ATP11B: variants seen among roughly 807,000 people sequenced by gnomAD.
The protein encoded by ATP11B is ATPase phospholipid transporting 11B (putative), also known as phospholipid-transporting ATPase IF.
ATP11B carries 81 observed loss-of-function variants against 157.8 expected under a neutral mutation model. That is an observed-to-expected ratio of 0.51 (90% confidence interval 0.43 to 0.62). The LOEUF (loss-of-function observed/expected upper bound fraction) is 0.62, where lower values mean the gene tolerates loss of function less well. Ranked by LOEUF, ATP11B falls within the 20% of genes least tolerant of loss-of-function variation. The pLI, the probability that ATP11B is intolerant of heterozygous loss-of-function variation, is 0.00. For missense variants in ATP11B, 1,165 were observed against 1,402.2 expected, an observed-to-expected ratio of 0.83 and a Z score of 2.70; for synonymous variants, 451 against 469.4, an observed-to-expected ratio of 0.96 and a Z score of 0.51.
chr3:182,857,858 TTC>T lies in ATP11B; in HGVS notation c.852-16_852-15del, dbSNP rs1560091504. 1.4e-6 allele frequency: 2 copies of T among 1,416,660 alleles called. No individual in the cohort carries two copies. The highest frequency in any genetic ancestry group is 9.9e-7 in the Non-Finnish European group (1 of 1,013,860). The allele number at this position is 1,416,660 out of a possible 1,614,324, so 87.8% of individuals were successfully genotyped here. A position where few individuals can be genotyped will look rare whatever the true frequency, so the allele number is the denominator to read the frequency against. On this transcript the variant is annotated intron_variant, in intron 10 of 29. Transcript: ENST00000323116. ...TAATACATGAGTTGTATGTTTTATA[TTC>T]TCTTTTTCTTCCTTAAGGTCAATGA...
chr3:182,917,057 T>C (rs1019894262), intron 29 of ATP11B: 19 of 985,238 alleles, frequency 1.9e-5, no homozygotes, highest in Non-Finnish European at 2.3e-5. Context: ...CCAGCTTTTC[T>C]AGAAACTAGT....
At chr3:182,914,341 T>G in intron 29 of ATP11B, 1 of 977,062 alleles carries the variant, frequency 1.0e-6, no homozygotes. Flanking sequence ...ACTATTTCCT[T>G]TTTATTTTTT....
intron 2 of ATP11B, among the ~76,000 whole-genome samples, chr3:182,822,750 C>T (rs1468197900): frequency 6.6e-6 from 1 of 152,178 alleles, no homozygotes; most frequent in South Asian, 2.1e-4. Flanking sequence ...TAAAAGTGTT[C>T]CTATTTCTCC....
intron 10 of ATP11B, 61 bp downstream of exon 10, chr3:182,848,618 G>C (rs188585538): frequency 2.2e-5 from 18 of 831,998 alleles, no homozygotes; most frequent in Admixed American, 1.1e-4. Flanking sequence ...TTATTCGTTT[G>C]GTATAAAATA....
In ATP11B at chr3:182,829,725, T is replaced by C. The variant is rs1297326412; in HGVS notation, c.288T>C (p.Phe96=). The C allele has an allele frequency of 6.2e-7, 1 of 1,608,926 alleles. No individual in the cohort carries two copies. Among genetic ancestry groups the C allele is most frequent in the South Asian group, 1.1e-5 (1 of 90,214 alleles). ...TTACCAGTGGACTTCCATTATTCTTTGTGATAACAGTAACTGCCATAAAGC... is the reference window on the plus strand; with the variant it reads ...TTACCAGTGGACTTCCATTATTCTTCGTGATAACAGTAACTGCCATAAAGC... The part of the protein sequence containing the change: ...SPVTSGLPLF[F]VITVTAIKQG... The change falls in exon 4 of 30, where the codon TTT becomes TTC. Residue 96 remains phenylalanine (F), a synonymous_variant. Coordinates refer to ENST00000323116, the MANE Select transcript of ATP11B (RefSeq NM_014616.3).
At chr3:182,837,535 CT>C (rs1718649196) in intron 7 of ATP11B, among the ~76,000 whole-genome samples, 1 of 151,874 alleles carries the variant, frequency 6.6e-6, no homozygotes, top group African/African-American at 2.4e-5. Context: ...GGGACTATGT[CT>C]TTGTTTTTAC....
chr3:182,891,235 G>C (rs1027582761), intron 25 of ATP11B, among the ~76,000 whole-genome samples: 1 of 152,052 alleles, frequency 6.6e-6, no homozygotes, highest in Non-Finnish European at 1.5e-5. Flanking sequence ...TTAAGAAGAA[G>C]GAAATTTGGA....
At chr3:182,837,050 A>G (rs374644944) in intron 6 of ATP11B, 21 bp from the exon 7 acceptor site, 161 of 1,580,844 alleles carry the variant, frequency 1.0e-4, no homozygotes, top group Non-Finnish European at 1.3e-4. Context: ...AAAACTCTAC[A>G]GTTTAATTCA....
rs1444790753 is a variant in ATP11B at position 182,915,785 on chromosome 3, A to G, written c.3452+1791A>G. 4.1e-6 allele frequency: 4 copies of G among 984,280 alleles called. No homozygotes were observed. The African/African-American group carries it at 5.2e-5, about 13-fold the overall frequency. 61.0% of individuals were successfully genotyped at this position (984,280 alleles called of 1,614,324 possible). On this transcript the variant is annotated intron_variant, in intron 29 of 29. Coordinates refer to ENST00000323116, the MANE Select transcript of ATP11B (RefSeq NM_014616.3). ...ACCTGCCCCAGGAGTTATTGAATTT[A>G]CTTTTACATGTTCTCTTGAAGGTAG...
At chr3:182,872,109 C>A (rs946786138) in intron 17 of ATP11B, among the ~76,000 whole-genome samples, 3 of 152,216 alleles carry the variant, frequency 2.0e-5, no homozygotes, top group African/African-American at 7.2e-5. Context: ...GCCACCGCAC[C>A]CAGCCTATTT....
chr3:182,822,235 A>T (rs1275805574), intron 2 of ATP11B, among the ~76,000 whole-genome samples: 1 of 151,974 alleles, frequency 6.6e-6, no homozygotes, highest in African/African-American at 2.4e-5. Context: ...CGTCATTTAC[A>T]TTAGGTATAT....
At chr3:182,876,836 G>A (rs145754808) in intron 19 of ATP11B, among the ~76,000 whole-genome samples, 136 of 152,222 alleles carry the variant, frequency 8.9e-4, no homozygotes, top group African/African-American at 3.0e-3. Context: ...ATTTTGGAAG[G>A]GATTCGACAT....
intron 9 of ATP11B, 112 bp downstream of exon 9, chr3:182,845,634 C>A: frequency 2.9e-6 from 2 of 693,508 alleles, no homozygotes; most frequent in Non-Finnish European, 4.4e-6. Flanking sequence ...AATTATTTGT[C>A]ATTTATGATA....
At position 182,860,422 on chromosome 3, in the gene ATP11B, G is replaced by A. The variant is rs556292240; in HGVS notation, c.1200+1063G>A. On this transcript the variant is annotated intron_variant, in intron 12 of 29. Transcript: ENST00000323116. ...GTTGTTTTATCTCTGGAAGCTTTAG[G>A]ATCTCCTTATGCAATAGTTCTGAAA... Among the ~76,000 whole-genome samples, 3 of 152,172 alleles carry A rather than the reference G, an allele frequency of 2.0e-5. No homozygotes were observed. In the South Asian group the frequency reaches 6.2e-4, roughly 31 times the overall value.
chr3:182,918,176 G>T lies in ATP11B; in HGVS notation c.*72G>T. ...ATTCAGTGTGATCACCCTGTTAATG[G>T]CCACACTAGCTCTGAAATTAATTTC... On this transcript the variant is annotated 3_prime_UTR_variant, in exon 30 of 30. Transcript: ENST00000323116. 1 of 1,592,058 alleles carries T rather than the reference G, an allele frequency of 6.3e-7. No homozygotes were observed. Among genetic ancestry groups the T allele is most frequent in the Non-Finnish European group, 8.6e-7 (1 of 1,168,620 alleles).
intron 20 of ATP11B, among the ~76,000 whole-genome samples, chr3:182,880,094 T>C (rs1185575955): frequency 6.6e-6 from 1 of 152,216 alleles, no homozygotes; most frequent in Non-Finnish European, 1.5e-5. Flanking sequence ...AAAAGCCAAT[T>C]AACTTGTAAA....
intron 1 of ATP11B, among the ~76,000 whole-genome samples, chr3:182,809,493 CCTGCCCTGG>C (rs1372652540): frequency 6.6e-6 from 1 of 152,176 alleles, no homozygotes; most frequent in African/African-American, 2.4e-5. Flanking sequence ...AAGCGATCTG[CCTGCCCTGG>C]CTTCCCAAAG....
At chr3:182,913,340 T>G (rs1483507861) in intron 28 of ATP11B, among the ~76,000 whole-genome samples, 1 of 152,108 alleles carries the variant, frequency 6.6e-6, no homozygotes, top group East Asian at 1.9e-4. Context: ...GTAAAGTGTT[T>G]GCTGCCATTG....
chr3:182,812,374 A>G (rs1249010620), intron 1 of ATP11B, among the ~76,000 whole-genome samples: 1 of 152,164 alleles, frequency 6.6e-6, no homozygotes, highest in Admixed American at 6.5e-5. Flanking sequence ...TTACCCGTTT[A>G]TCTCCAATCT....
Sources: gnomAD v4.1 joint callset for allele counts (sites outside exome capture counted in the v4.1 genomes callset) on GRCh38, gnomAD v4.1.1 for gene constraint, MANE v1.5 for transcripts, NCBI Gene and HGNC (gene_info 2026-07-23, HGNC 2026-07-21) for gene names.